The following PHACTR3 variants were observed in gnomAD, a reference collection of about 807,000 sequenced individuals.
PHACTR3 encodes the protein phosphatase and actin regulator 3.
A neutral mutation model predicts 66.8 loss-of-function variants in PHACTR3; 16 were observed. That is an observed-to-expected ratio of 0.24 (90% CI 0.16 to 0.36). The LOEUF is 0.36. Among genes scored for constraint, PHACTR3 ranks in the 10% least tolerant of loss-of-function variants. The pLI is 1.00. For missense variants in PHACTR3, 647 were observed against 719.9 expected (o/e 0.90, Z 1.16); for synonymous variants, 323 against 292.1 (o/e 1.11, Z -1.08).
intron 4 of PHACTR3, among the ~76,000 whole-genome samples, chr20:59,755,712 G>C (rs1454127200): frequency 6.6e-6 from 1 of 152,196 alleles, no homozygotes; most frequent in Non-Finnish European, 1.5e-5. Context: ...GCCCAGTGGG[G>C]GGATTTTAGT....
At chr20:59,669,219 G>A (rs2036106076) in intron 1 of PHACTR3, among the ~76,000 whole-genome samples, 1 of 152,200 alleles carries the variant, frequency 6.6e-6, no homozygotes, top group Admixed American at 6.5e-5. Flanking sequence ...AGAGCCCTCA[G>A]TGTGACCCCC....
intron 1 of PHACTR3, among the ~76,000 whole-genome samples, chr20:59,726,212 A>G (rs1353459189): frequency 6.6e-6 from 1 of 152,156 alleles, no homozygotes; most frequent in African/African-American, 2.4e-5. Flanking sequence ...GCTCTTTGAA[A>G]TCTGCATAAA....
intron 1 of PHACTR3, among the ~76,000 whole-genome samples, chr20:59,627,131 C>T (rs896182943): frequency 5.3e-5 from 8 of 152,146 alleles, no homozygotes; most frequent in African/African-American, 1.7e-4. Flanking sequence ...CCTCAGCTGA[C>T]GAAATGGGAG....
intron 1 of PHACTR3, among the ~76,000 whole-genome samples, chr20:59,580,441 A>G (rs935150298): frequency 3.3e-5 from 5 of 152,188 alleles, no homozygotes; most frequent in African/African-American, 1.2e-4. Context: ...CCTTAAAGGG[A>G]TAATGTGCTA....
intron 1 of PHACTR3, among the ~76,000 whole-genome samples, chr20:59,680,796 G>A (rs2036613937): frequency 6.6e-6 from 1 of 152,126 alleles, no homozygotes; most frequent in African/African-American, 2.4e-5. Flanking sequence ...CAAAACTCAG[G>A]GCCTCAATCC....
intron 1 of PHACTR3, among the ~76,000 whole-genome samples, chr20:59,644,887 G>A (rs1013187261): frequency 6.6e-6 from 1 of 152,060 alleles, no homozygotes; most frequent in African/African-American, 2.4e-5. Flanking sequence ...TTAGGTTCTG[G>A]AGGTACATGT....
chr20:59,588,797 C>T (rs933157448), intron 1 of PHACTR3, among the ~76,000 whole-genome samples: 8 of 152,224 alleles, frequency 5.3e-5, no homozygotes, highest in Non-Finnish European at 8.8e-5. Context: ...CGTGAATTAA[C>T]GAATGAGAGA....
At chr20:59,633,732 A>G (rs531957408) in intron 1 of PHACTR3, among the ~76,000 whole-genome samples, 31 of 152,284 alleles carry the variant, frequency 2.0e-4, no homozygotes, top group African/African-American at 5.5e-4. Context: ...TGGAAAAGGT[A>G]TTCTCAGGAG....
intron 1 of PHACTR3, among the ~76,000 whole-genome samples, chr20:59,586,203 C>T (rs979022520): frequency 7.9e-5 from 12 of 152,330 alleles, no homozygotes; most frequent in African/African-American, 2.4e-4. Flanking sequence ...GCCTCCTGCA[C>T]ATTGCACATT....
chr20:59,759,463 C>T (rs899835622), intron 4 of PHACTR3, among the ~76,000 whole-genome samples: 4 of 152,184 alleles, frequency 2.6e-5, no homozygotes, highest in African/African-American at 7.2e-5. Context: ...CAGCCAGGGT[C>T]GCTGGAGCTG....
intron 7 of PHACTR3, among the ~76,000 whole-genome samples, chr20:59,795,260 C>G (rs544854181): frequency 3.3e-5 from 5 of 151,742 alleles, no homozygotes; most frequent in Non-Finnish European, 7.4e-5. Context: ...TATTCAGGAG[C>G]ATGATGTTTT....
rs1432976236 is a variant in PHACTR3, at chr20:59,643,203, G to A, written c.118+38071G>A. On this transcript the variant is annotated intron_variant, in intron 1 of 12. Transcript: ENST00000371015. Reference sequence around the variant, plus strand: ...TGGGATTACAGGCGTGAGCCACTGCGCCGGCCTAATTCTTCTTTTAAAAGT... The same window carrying A: ...TGGGATTACAGGCGTGAGCCACTGCACCGGCCTAATTCTTCTTTTAAAAGT... Among the ~76,000 whole-genome samples the A allele has an allele frequency of 5.3e-5, 8 of 152,082 alleles. No individual in the cohort carries two copies. The East Asian group carries it at 5.8e-4, about 11-fold the overall frequency.
intron 4 of PHACTR3, among the ~76,000 whole-genome samples, chr20:59,756,222 T>TA (rs1472176477): frequency 6.6e-6 from 1 of 152,196 alleles, no homozygotes; most frequent in Non-Finnish European, 1.5e-5. Flanking sequence ...GAGTGATTCT[T>TA]ACGGAGCTTC....
chr20:59,829,440 A>C lies in PHACTR3; in HGVS notation c.1329-7065A>C, dbSNP rs555034054. ...TCTCTTCCTGAACTTCTCTCCAGAC[A>C]CACCCACATTGCTCTGACGCTCTGA... is the stretch of plus-strand genomic sequence containing the variant. On this transcript the variant is annotated intron_variant, in intron 8 of 12. Coordinates refer to ENST00000371015, the MANE Select transcript of PHACTR3 (RefSeq NM_080672.5). The surrounding 1 kb of genome is among the most constrained non-coding windows in gnomAD (Gnocchi z 4.2). Among the ~76,000 whole-genome samples the C allele has an allele frequency of 6.6e-6, 1 of 152,266 alleles. No individual in the cohort carries two copies. The highest frequency in any genetic ancestry group is 2.1e-4 in the South Asian group (1 of 4,826).
intron 1 of PHACTR3, among the ~76,000 whole-genome samples, chr20:59,582,127 C>A (rs755674004): frequency 6.6e-6 from 1 of 152,226 alleles, no homozygotes; most frequent in Non-Finnish European, 1.5e-5. Flanking sequence ...CCGCCCGCCA[C>A]CTTTCGCCCT....
At chr20:59,661,800 A>G (rs1318017279) in intron 1 of PHACTR3, among the ~76,000 whole-genome samples, 3 of 151,896 alleles carry the variant, frequency 2.0e-5, no homozygotes, top group Non-Finnish European at 2.9e-5. Context: ...GTCAAATCAG[A>G]TGGAAACCTG....
chr20:59,799,624 G>T (rs2041354722), intron 7 of PHACTR3, among the ~76,000 whole-genome samples: 1 of 152,024 alleles, frequency 6.6e-6, no homozygotes, highest in Non-Finnish European at 1.5e-5. Flanking sequence ...TGTCAGAATG[G>T]TACATCTTTT....
At position 59,782,496 on chromosome 20, in the gene PHACTR3, C is replaced by T. The variant is rs530391141; in HGVS notation, c.1174+8006C>T. 3.9e-5 allele frequency among the ~76,000 whole-genome samples: 6 copies of T among 152,314 alleles called. No homozygotes were observed. The South Asian group carries it at 6.2e-4, about 16-fold the overall frequency. On this transcript the variant is annotated intron_variant, in intron 7 of 12. Coordinates refer to ENST00000371015, the MANE Select transcript of PHACTR3 (RefSeq NM_080672.5). Reference sequence around the variant, plus strand: ...GGAACTCCTGACCTCAGGTGATCCACCCACCTCGGCCTCTCAAAGTGCTGG... The same window carrying T: ...GGAACTCCTGACCTCAGGTGATCCATCCACCTCGGCCTCTCAAAGTGCTGG...
At chr20:59,836,330 A>G in intron 8 of PHACTR3, 175 bp from the exon 9 acceptor site, 1 of 574,822 alleles carries the variant, frequency 1.7e-6, no homozygotes, top group South Asian at 2.3e-5. Context: ...GTCACCTGGA[A>G]GTCTGACTTG....
Sources: allele counts gnomAD v4.1 joint callset (sites outside exome capture counted in the v4.1 genomes callset), GRCh38; gene constraint gnomAD v4.1.1; non-coding constraint Gnocchi (gnomAD v3.1); transcripts MANE v1.5; gene names NCBI Gene and HGNC (gene_info 2026-07-23, HGNC 2026-07-21).